Variants in SHANK2 observed in about 807,000 individuals in gnomAD.
SHANK2 encodes SH3 and multiple ankyrin repeat domains 2, also known as SH3 and multiple ankyrin repeat domains protein 2.
In SHANK2, 43 loss-of-function variants were observed where a neutral mutation model predicts 133.7. The ratio of observed to expected loss-of-function variants is 0.32; its 90% CI spans 0.25 to 0.41. SHANK2 has a LOEUF of 0.41. Ranked by LOEUF, SHANK2 falls within the 10% of genes least tolerant of loss-of-function variation. The pLI, the probability that SHANK2 is intolerant of heterozygous loss-of-function variation, is 1.00. For missense variants in SHANK2, 1,994 were observed against 2,235.8 expected (o/e 0.89, Z 2.18); for synonymous variants, 1,017 against 952.8 (o/e 1.07, Z -1.24).
At chr11:70,902,096 G>A (rs895425229) in intron 10 of SHANK2, among the ~76,000 whole-genome samples, 2 of 152,202 alleles carry the variant, frequency 1.3e-5, no homozygotes. Flanking sequence ...AGGAGGCTGG[G>A]AGAATTCAGA....
At chr11:70,758,304 C>T (rs1946916471) in intron 14 of SHANK2, among the ~76,000 whole-genome samples, 1 of 152,188 alleles carries the variant, frequency 6.6e-6, no homozygotes, top group South Asian at 2.1e-4. Context: ...TCTTCTGGTC[C>T]GTGTTTGTTA....
At chr11:70,832,797 C>T in intron 11 of SHANK2, among the ~76,000 whole-genome samples, 1 of 151,828 alleles carries the variant, frequency 6.6e-6, no homozygotes, top group East Asian at 1.9e-4. Flanking sequence ...AGCCACGCTA[C>T]CAGCTGCCCC....
At chr11:71,252,824 C>T (rs1948209973), upstream of SHANK2, among the ~76,000 whole-genome samples, 1 of 152,114 alleles carries the variant, frequency 6.6e-6, no homozygotes, top group African/African-American at 2.4e-5. This position sits in a 1 kb window ranked among gnomAD's most constrained non-coding sequence, Gnocchi z 6.3. Flanking sequence ...CCGCCTCTGC[C>T]CCGCCCCGGG....
intron 17 of SHANK2, among the ~76,000 whole-genome samples, chr11:70,508,390 A>C (rs2059160497): frequency 6.6e-6 from 1 of 152,200 alleles, no homozygotes; most frequent in African/African-American, 2.4e-5. Context: ...GGCGGGGCAG[A>C]GTCTGCCCCC....
At chr11:70,724,248 CT>C (rs1403974168) in intron 14 of SHANK2, among the ~76,000 whole-genome samples, 2 of 152,124 alleles carry the variant, frequency 1.3e-5, no homozygotes, top group Non-Finnish European at 2.9e-5. Flanking sequence ...GTTGGCCAGG[CT>C]GGTCTCGATC....
intron 15 of SHANK2, among the ~76,000 whole-genome samples, chr11:70,676,044 T>C (rs1944900017): frequency 6.6e-6 from 1 of 152,278 alleles, no homozygotes; most frequent in Non-Finnish European, 1.5e-5. Flanking sequence ...CTATACCTGC[T>C]ATCTCTATCA....
At chr11:71,220,899 C>T (rs1466123435) in intron 2 of SHANK2, among the ~76,000 whole-genome samples, 1 of 152,144 alleles carries the variant, frequency 6.6e-6, no homozygotes, top group Non-Finnish European at 1.5e-5. Flanking sequence ...GAATGGCACA[C>T]TTTAAAAATC....
At chr11:71,233,819 G>A (rs1157792553) in intron 1 of SHANK2, among the ~76,000 whole-genome samples, 8 of 151,470 alleles carry the variant, frequency 5.3e-5, no homozygotes, top group Admixed American at 3.3e-4. Flanking sequence ...AGGCTGAGGC[G>A]GGAGGATCAC....
chr11:70,559,409 C>T (rs1283339508), intron 17 of SHANK2, among the ~76,000 whole-genome samples: 1 of 152,206 alleles, frequency 6.6e-6, no homozygotes, highest in African/African-American at 2.4e-5. Flanking sequence ...CACCACGCTT[C>T]TTTTTCTCAC....
chr11:71,170,149 A>T (rs1953282387), intron 2 of SHANK2, among the ~76,000 whole-genome samples: 1 of 152,230 alleles, frequency 6.6e-6, no homozygotes, highest in South Asian at 2.1e-4. Context: ...TTCAATTAAT[A>T]CTTTTATCAA....
chr11:70,642,649 C>T (rs570615881), intron 17 of SHANK2, among the ~76,000 whole-genome samples: 29 of 152,300 alleles, frequency 1.9e-4, no homozygotes, highest in South Asian at 1.0e-3. Flanking sequence ...TGACACCTCC[C>T]GTCATCTTCT....
chr11:71,131,936 C>T (rs1952316220), intron 3 of SHANK2, among the ~76,000 whole-genome samples: 2 of 152,180 alleles, frequency 1.3e-5, no homozygotes, highest in Non-Finnish European at 2.9e-5. Flanking sequence ...CCCAGAGCCA[C>T]ACAGCTGCAA....
intron 14 of SHANK2, among the ~76,000 whole-genome samples, chr11:70,761,419 G>A (rs535277272): frequency 6.6e-6 from 1 of 152,270 alleles, no homozygotes; most frequent in African/African-American, 2.4e-5. Flanking sequence ...CCCCAGTCTC[G>A]ATTGTGTTTG....
chr11:70,542,729 G>C (rs1554975441), intron 17 of SHANK2, among the ~76,000 whole-genome samples: 1 of 152,228 alleles, frequency 6.6e-6, no homozygotes, highest in Non-Finnish European at 1.5e-5. Flanking sequence ...ACTCCTGGAA[G>C]CTGGTTCCCA....
At chr11:70,946,982 C>A (rs556448763) in intron 10 of SHANK2, among the ~76,000 whole-genome samples, 1 of 151,442 alleles carries the variant, frequency 6.6e-6, no homozygotes, top group Admixed American at 6.6e-5. Flanking sequence ...ACTAACCAAC[C>A]CTTCCCAGGC....
intron 17 of SHANK2, among the ~76,000 whole-genome samples, chr11:70,514,916 C>T (rs2059246307): frequency 6.6e-6 from 1 of 152,160 alleles, no homozygotes; most frequent in African/African-American, 2.4e-5. Context: ...AACATCAGGC[C>T]TTATAAAATG....
chr11:71,170,351 G>C (rs1369045156), intron 2 of SHANK2, among the ~76,000 whole-genome samples: 1 of 152,098 alleles, frequency 6.6e-6, no homozygotes, highest in Non-Finnish European at 1.5e-5. Context: ...ATATTTTCTG[G>C]CATATATAAT....
chr11:70,826,445 C>T (rs1948641735), intron 11 of SHANK2: 1 of 470,998 alleles, frequency 2.1e-6, no homozygotes. Context: ...ATGCACCCGG[C>T]TCCCGACAGC....
chr11:70,685,158 AC>A (rs1945117271), intron 15 of SHANK2, among the ~76,000 whole-genome samples: 2 of 150,046 alleles, frequency 1.3e-5, no homozygotes, highest in Non-Finnish European at 3.0e-5. Flanking sequence ...TGGCGAAAAA[AC>A]CCCCAAAAAA....
Sources: gnomAD v4.1 joint callset for allele counts (sites outside exome capture counted in the v4.1 genomes callset) on GRCh38, gnomAD v4.1.1 for gene constraint, Gnocchi (gnomAD v3.1) non-coding constraint, MANE v1.5 for transcripts, NCBI Gene and HGNC (gene_info 2026-07-23, HGNC 2026-07-21) for gene names.